The following WWOX variants were observed in gnomAD, a reference collection of about 807,000 sequenced individuals.
WWOX encodes WW domain-containing oxidoreductase.
A neutral mutation model predicts 46.2 loss-of-function variants in WWOX; 69 were observed. The ratio of observed to expected loss-of-function variants is 1.49; its 90% CI spans 1.23 to 1.82. The LOEUF is 1.82. WWOX is among the 40% of genes most tolerant of loss of function. The pLI, the probability that WWOX is intolerant of heterozygous loss-of-function variation, is 0.00. For missense variants in WWOX, 919 were observed against 542.6 expected, an observed-to-expected ratio of 1.69 and a Z score of -6.89; for synonymous variants, 359 against 202.6, an observed-to-expected ratio of 1.77 and a Z score of -6.56.
intron 8 of WWOX, among the ~76,000 whole-genome samples, chr16:78,509,937 AAAAAG>A: frequency 6.6e-6 from 1 of 151,536 alleles, no homozygotes. Flanking sequence ...AAAAAAAAAA[AAAAAG>A]AAAGAAAAAT....
At chr16:79,075,763 T>C (rs1047912666) in intron 8 of WWOX, among the ~76,000 whole-genome samples, 4 of 152,094 alleles carry the variant, frequency 2.6e-5, no homozygotes, top group African/African-American at 7.2e-5. Context: ...TGGTGATTTT[T>C]CAAGTAAGGT....
intron 8 of WWOX, among the ~76,000 whole-genome samples, chr16:78,764,863 T>C (rs7199337): frequency 0.72 from 108,813 of 151,818 alleles, 39,362 homozygotes; most frequent in African/African-American, 0.78. Flanking sequence ...GAGTTTACTA[T>C]GGATATAACA....
rs117427454 is a variant in WWOX, at chr16:79,009,313, T to C, written c.1057-202295T>C. ...AATGAAGGGGCGCTTTCTGGAATCT[T>C]TGTGGCTGGGGCTGCTGCTCTGCAC... is the stretch of plus-strand genomic sequence containing the variant. On this transcript the variant is annotated intron_variant, in intron 8 of 8. Transcript: ENST00000566780. 1.4e-3 allele frequency among the ~76,000 whole-genome samples: 209 copies of C among 152,306 alleles called. 7 individuals carry two copies. In the East Asian group the frequency reaches 0.034, roughly 25 times the overall value.
intron 8 of WWOX, among the ~76,000 whole-genome samples, chr16:78,650,063 G>C (rs982728069): frequency 1.3e-5 from 2 of 152,042 alleles, no homozygotes; most frequent in Non-Finnish European, 2.9e-5. Context: ...TGTAACTGTC[G>C]TAGCAGCTAG....
intron 8 of WWOX, among the ~76,000 whole-genome samples, chr16:78,990,001 G>A (rs1054893429): frequency 1.3e-5 from 2 of 151,748 alleles, no homozygotes; most frequent in African/African-American, 2.4e-5. Flanking sequence ...TGGGCAACAC[G>A]GCAAAGCCCT....
chr16:78,592,737 C>T (rs1442755481), intron 8 of WWOX, among the ~76,000 whole-genome samples: 2 of 152,198 alleles, frequency 1.3e-5, no homozygotes, highest in Non-Finnish European at 2.9e-5. Flanking sequence ...CCACATAAAA[C>T]AACAGAAAAT....
chr16:78,457,056 G>A (rs952831906), intron 8 of WWOX, among the ~76,000 whole-genome samples: 18 of 152,196 alleles, frequency 1.2e-4, no homozygotes, highest in African/African-American at 4.1e-4. Flanking sequence ...CACACAATAT[G>A]TGCCCACCCT....
At chr16:78,916,244 A>G (rs1376915883) in intron 8 of WWOX, among the ~76,000 whole-genome samples, 2 of 152,234 alleles carry the variant, frequency 1.3e-5, no homozygotes, top group East Asian at 1.9e-4. Context: ...TTTGCCGGCC[A>G]GGAAGTTTTA....
Position 79,084,516 on chromosome 16 carries a change from G to A in WWOX, c.1057-127092G>A, listed in dbSNP as rs558019090. On this transcript the variant is annotated intron_variant, in intron 8 of 8. Transcript: ENST00000566780. The stretch of plus-strand genomic sequence containing the variant: ...GCTCACTGCAACCTCTGCAACCCAG[G>A]TTCAGTCGATTCTCCTGCCTCCTGA... Among the ~76,000 whole-genome samples the A allele has an allele frequency of 1.9e-4, 29 of 152,234 alleles. 1 individual carries two copies. Among genetic ancestry groups the A allele is most frequent in the African/African-American group, 6.5e-4 (27 of 41,538 alleles).
chr16:78,421,678 C>A (rs909917602), intron 6 of WWOX, among the ~76,000 whole-genome samples: 18 of 152,044 alleles, frequency 1.2e-4, no homozygotes, highest in African/African-American at 3.4e-4. Context: ...GAATGGTCTG[C>A]CCCAGATGCA....
chr16:78,481,536 C>T (rs866361742), intron 8 of WWOX, among the ~76,000 whole-genome samples: 4 of 151,912 alleles, frequency 2.6e-5, no homozygotes, highest in African/African-American at 9.7e-5. Context: ...AGAGTCATCC[C>T]TCACCTCCCA....
rs182166127 is a variant in WWOX at position 78,257,430 on chromosome 16, G to C, written c.516+93141G>C. 2.6e-5 allele frequency among the ~76,000 whole-genome samples: 4 copies of C among 152,280 alleles called. No individual in the cohort carries two copies. The East Asian group carries it at 7.7e-4, about 29-fold the overall frequency. ...TGACAGTTACAGGCTCCCGTGAGGC[G>C]GTGCAGGCTCCTCCGAGCCAGGGAT... is the stretch of plus-strand genomic sequence containing the variant. On this transcript the variant is annotated intron_variant, in intron 5 of 8. Transcript: ENST00000566780.
At chr16:78,976,486 A>C (rs2046574910) in intron 8 of WWOX, among the ~76,000 whole-genome samples, 1 of 152,188 alleles carries the variant, frequency 6.6e-6, no homozygotes, top group Non-Finnish European at 1.5e-5. Flanking sequence ...CTGACTGAGC[A>C]AGTAATTTCT....
intron 8 of WWOX, among the ~76,000 whole-genome samples, chr16:79,122,575 CCT>C (rs1018026667): frequency 1.9e-4 from 28 of 151,316 alleles, no homozygotes; most frequent in African/African-American, 6.1e-4. Flanking sequence ...TCTTTCTTTC[CCT>C]CTCTCTTTCT....
chr16:78,988,199 C>T lies in WWOX; in HGVS notation c.1057-223409C>T, dbSNP rs1445873634. The stretch of plus-strand genomic sequence containing the variant: ...CTCTACTAAAAATACAAAAACTTAG[C>T]TGGGCATGGTGACAGGCATCTGTAA... On this transcript the variant is annotated intron_variant, in intron 8 of 8. Coordinates refer to ENST00000566780, the MANE Select transcript of WWOX (RefSeq NM_016373.4). 8.6e-5 allele frequency among the ~76,000 whole-genome samples: 13 copies of T among 151,938 alleles called. No homozygotes were observed. The South Asian group carries it at 1.2e-3, about 15-fold the overall frequency.
chr16:78,596,039 T>C (rs552457242), intron 8 of WWOX, among the ~76,000 whole-genome samples: 1 of 152,250 alleles, frequency 6.6e-6, no homozygotes, highest in South Asian at 2.1e-4. Flanking sequence ...ATGAGAAGTT[T>C]TTTACTCTTT....
At chr16:78,981,396 C>T (rs891484482) in intron 8 of WWOX, among the ~76,000 whole-genome samples, 1 of 151,826 alleles carries the variant, frequency 6.6e-6, no homozygotes, top group Non-Finnish European at 1.5e-5. Flanking sequence ...GGCAGCTGTC[C>T]ATGCAGCACG....
chr16:78,740,922 G>C (rs1406543923), intron 8 of WWOX, among the ~76,000 whole-genome samples: 4 of 152,080 alleles, frequency 2.6e-5, no homozygotes, highest in African/African-American at 2.4e-5. Flanking sequence ...GAAAAAATAA[G>C]AGTTTATTTT....
chr16:78,745,963 T>C (rs2049338591), intron 8 of WWOX, among the ~76,000 whole-genome samples: 1 of 152,080 alleles, frequency 6.6e-6, no homozygotes, highest in African/African-American at 2.4e-5. Context: ...CCAGCTGCTA[T>C]GAACTGGAAC....
Sources: allele counts gnomAD v4.1 joint callset (sites outside exome capture counted in the v4.1 genomes callset), GRCh38; gene constraint gnomAD v4.1.1; transcripts MANE v1.5; gene names NCBI Gene and HGNC (gene_info 2026-07-23, HGNC 2026-07-21).